WBP2NL: variants seen among roughly 807,000 people sequenced by gnomAD.
WBP2NL encodes postacrosomal sheath WW domain-binding protein.
Under a neutral mutation model 23.3 loss-of-function variants are expected in WBP2NL, and 27 were observed. The ratio of observed to expected loss-of-function variants is 1.16; its 90% CI spans 0.85 to 1.60. The LOEUF (loss-of-function observed/expected upper bound fraction) is 1.60. Among genes scored for constraint, WBP2NL ranks in the 40% most tolerant of loss-of-function variants. The pLI, the probability that WBP2NL is intolerant of heterozygous loss-of-function variation, is 0.00. For synonymous variants in WBP2NL, 151 were observed against 145.9 expected (o/e 1.03, Z -0.25); for missense variants, 370 against 389.5 (o/e 0.95, Z 0.42).
At chr22:42,041,832 A>G (rs1240269564) in intron 8 of WBP2NL, among the ~76,000 whole-genome samples, 1 of 152,216 alleles carries the variant, frequency 6.6e-6, no homozygotes, top group Non-Finnish European at 1.5e-5. Context: ...TTTAAATTCC[A>G]TTTGAAGAAA....
Position 42,019,374 on chromosome 22 carries a change from CTT to C in WBP2NL, c.128_129del (p.Phe43Ter). 6.2e-7 allele frequency: 1 copy of C among 1,614,198 alleles called. No individual in the cohort carries two copies. The highest frequency in any genetic ancestry group is 8.5e-7 in the Non-Finnish European group (1 of 1,180,042). ...FPQRSEGSNV[F>X]SGRKTGTLFL... ...CACAGCGATCAGAAGGCTCAAATGT[CTT>C]TAGTGGTAGAAAGACAGGAACATTG... On this transcript the variant is annotated frameshift_variant, in exon 2 of 6. Coordinates refer to ENST00000328823, the MANE Select transcript of WBP2NL (RefSeq NM_152613.3). LOFTEE classifies it high-confidence loss of function.
downstream of WBP2NL, among the ~76,000 whole-genome samples, chr22:42,036,099 C>T (rs532056746): frequency 2.6e-5 from 4 of 152,248 alleles, no homozygotes; most frequent in South Asian, 2.1e-4. Context: ...TCTTGACTGT[C>T]GTGCAAAATG....
intron 8 of WBP2NL, among the ~76,000 whole-genome samples, chr22:42,053,442 T>C (rs1180409833): frequency 2.0e-5 from 3 of 152,046 alleles, no homozygotes; most frequent in Non-Finnish European, 4.4e-5. Flanking sequence ...TGGGCATCTT[T>C]TTTTTTCCTC....
downstream of WBP2NL, among the ~76,000 whole-genome samples, chr22:42,035,039 T>G (rs1417320637): frequency 1.3e-5 from 2 of 152,198 alleles, no homozygotes; most frequent in Admixed American, 1.3e-4. Flanking sequence ...ATTAAGAGAT[T>G]AAAGCAAAGA....
chr22:42,057,865 G>A (rs1364328071), intron 8 of WBP2NL, among the ~76,000 whole-genome samples: 1 of 59,646 alleles, frequency 1.7e-5, no homozygotes, highest in Non-Finnish European at 2.8e-5. Context: ...ATGTGTGTGT[G>A]TATGTATATA....
At chr22:42,020,184 T>A (rs1316492417) in intron 4 of WBP2NL, 88 bp downstream of exon 4, 25 of 1,301,514 alleles carry the variant, frequency 1.9e-5, no homozygotes, top group Non-Finnish European at 2.6e-5. Context: ...CTGTTGTTGT[T>A]GTTTTGTTGT....
chr22:42,048,936 T>C (rs1295517544), intron 8 of WBP2NL, among the ~76,000 whole-genome samples: 1 of 152,162 alleles, frequency 6.6e-6, no homozygotes, highest in Admixed American at 6.6e-5. Flanking sequence ...GTGTCCCCTC[T>C]CACTATTCCT....
At chr22:42,017,161 T>C (rs1307058373) in intron 1 of WBP2NL, among the ~76,000 whole-genome samples, 1 of 152,176 alleles carries the variant, frequency 6.6e-6, no homozygotes, top group Admixed American at 6.5e-5. Context: ...AGGGTCATAC[T>C]CTGTTGCCCA....
chr22:42,051,458 T>A (rs1011116697), intron 8 of WBP2NL, among the ~76,000 whole-genome samples: 1 of 152,212 alleles, frequency 6.6e-6, no homozygotes, highest in Non-Finnish European at 1.5e-5. Flanking sequence ...GAAAACCCAG[T>A]GAATGTACAG....
At chr22:42,013,184 C>G (rs1922985427) in intron 1 of WBP2NL, among the ~76,000 whole-genome samples, 1 of 151,752 alleles carries the variant, frequency 6.6e-6, no homozygotes, top group Admixed American at 6.6e-5. Context: ...ACCAGCCTGA[C>G]CAACATGGAG....
chr22:42,032,770 T>C, downstream of WBP2NL: 1 of 470,394 alleles, frequency 2.1e-6, no homozygotes, highest in Non-Finnish European at 4.4e-6. Flanking sequence ...GCTTCCTAAA[T>C]GGATTAGAAA....
intron 8 of WBP2NL, among the ~76,000 whole-genome samples, chr22:42,042,916 T>G (rs1925447420): frequency 6.7e-6 from 1 of 148,338 alleles, no homozygotes; most frequent in Non-Finnish European, 1.5e-5. Context: ...GATAAAAAAA[T>G]TAGCCAGGCG....
In WBP2NL at chr22:42,021,349, A is replaced by G. The variant is rs573002900; in HGVS notation, c.407-900A>G. 1.3e-3 allele frequency among the ~76,000 whole-genome samples: 203 copies of G among 152,344 alleles called. 2 individuals carry two copies. The highest frequency in any genetic ancestry group is 2.5e-3 in the Non-Finnish European group (171 of 68,036). ...AACTGTCTACATTACATCTGGTCAC[A>G]TGCCATAGGCAAAACTCAGTGTGGT... is the stretch of plus-strand genomic sequence containing the variant. On this transcript the variant is annotated intron_variant, in intron 4 of 5. Transcript: ENST00000328823.
rs148102249 is a variant in WBP2NL, at chr22:42,047,022, A to G, written c.*274-11268A>G. Reference sequence around the variant, plus strand: ...CTTGATTTCCAGCAACATACTATAGAAAACACCTGCTATTCAAAACACAAC... The same window carrying G: ...CTTGATTTCCAGCAACATACTATAGGAAACACCTGCTATTCAAAACACAAC... On this transcript the variant is annotated intron_variant and NMD_transcript_variant, in intron 8 of 8. Coordinates refer to the WBP2NL transcript ENST00000436265. Among the ~76,000 whole-genome samples the G allele has an allele frequency of 2.4e-3, 368 of 152,272 alleles. 3 individuals carry two copies. Among genetic ancestry groups the G allele is most frequent in the African/African-American group, 8.5e-3 (352 of 41,554 alleles).
intron 5 of WBP2NL, among the ~76,000 whole-genome samples, chr22:42,026,255 G>C (rs551028646): frequency 2.0e-5 from 3 of 148,544 alleles, no homozygotes; most frequent in African/African-American, 7.4e-5. Context: ...CTGGGCAACA[G>C]AGCGAGACCC....
intron 4 of WBP2NL, among the ~76,000 whole-genome samples, chr22:42,021,120 A>C (rs1438592058): frequency 6.6e-6 from 1 of 150,944 alleles, no homozygotes; most frequent in Non-Finnish European, 1.5e-5. Context: ...GGGTTTCACC[A>C]TGTTGGTCAG....
chr22:42,027,677 A>G lies in WBP2NL; in HGVS notation c.*496A>G. On this transcript the variant is annotated 3_prime_UTR_variant, in exon 6 of 6. Transcript: ENST00000328823. ...TACACCTGTTGAAAACTATGTCTAG[A>G]GGTAGAGAAAGCCTTCTTTGAGGAG... The G allele has an allele frequency of 3.2e-6, 1 of 308,560 alleles. No homozygotes were observed. The highest frequency in any genetic ancestry group is 5.9e-6 in the Non-Finnish European group (1 of 170,888). 19.1% of individuals were successfully genotyped at this position (308,560 alleles called of 1,614,324 possible). A position where few individuals can be genotyped will look rare whatever the true frequency, so the allele number is the denominator to read the frequency against.
At chr22:42,034,429 G>C (rs1925103058), downstream of WBP2NL, among the ~76,000 whole-genome samples, 1 of 152,198 alleles carries the variant, frequency 6.6e-6, no homozygotes, top group Admixed American at 6.5e-5. Flanking sequence ...TTTTCAAAAG[G>C]GGAGGGAGTG....
At chr22:42,001,506 G>C (rs544950686) in intron 1 of WBP2NL, 163 of 981,402 alleles carry the variant, frequency 1.7e-4, no homozygotes, top group Non-Finnish European at 2.5e-4. Flanking sequence ...CCGAAACCTC[G>C]CAATTCCCTT....
Sources: allele counts gnomAD v4.1 joint callset (sites outside exome capture counted in the v4.1 genomes callset), GRCh38; gene constraint gnomAD v4.1.1; transcripts MANE v1.5; gene names NCBI Gene and HGNC (gene_info 2026-07-23, HGNC 2026-07-21).